Variants in CREB5 observed in about 807,000 individuals in gnomAD.
CREB5 encodes the protein cyclic AMP-responsive element-binding protein 5.
CREB5 carries 19 observed loss-of-function variants against 57.1 expected under a neutral mutation model. The ratio of observed to expected loss-of-function variants is 0.33; its 90% CI spans 0.23 to 0.49. CREB5 has a LOEUF of 0.49. CREB5 is among the 20% of genes least tolerant of loss of function. CREB5 has a pLI of 0.99. For synonymous variants in CREB5, 238 were observed against 238.3 expected (o/e 1.00, Z 0.01); for missense variants, 579 against 671.6 (o/e 0.86, Z 1.52).
chr7:28,500,116 CT>C (rs1792217744), intron 3 of CREB5, among the ~76,000 whole-genome samples: 1 of 152,162 alleles, frequency 6.6e-6, no homozygotes, highest in African/African-American at 2.4e-5. Flanking sequence ...GGTGAGGTCT[CT>C]TTTTTCATGA....
chr7:28,317,821 C>T (rs1187291193), intron 1 of CREB5, among the ~76,000 whole-genome samples: 1 of 152,132 alleles, frequency 6.6e-6, no homozygotes, highest in Non-Finnish European at 1.5e-5. Flanking sequence ...CTCTAAGCAC[C>T]TTAGGAGAAG....
Position 28,724,340 on chromosome 7 carries a change from A to G in CREB5, c.702+8A>G. The G allele has an allele frequency of 6.2e-7, 1 of 1,603,402 alleles. No individual in the cohort carries two copies. The highest frequency in any genetic ancestry group is 8.5e-7 in the Non-Finnish European group (1 of 1,170,696). The stretch of plus-strand genomic sequence containing the variant: ...CATTCAGAAGCCAAAATGGTAAGTA[A>G]CAGTTATAATCACCCTTTCATTATT... On this transcript the variant is annotated splice_region_variant and intron_variant, in intron 7 of 10. Coordinates refer to ENST00000357727, the MANE Select transcript of CREB5 (RefSeq NM_182898.4).
chr7:28,728,081 G>A (rs1803423216), intron 7 of CREB5, among the ~76,000 whole-genome samples: 1 of 152,102 alleles, frequency 6.6e-6, no homozygotes, highest in African/African-American at 2.4e-5. Flanking sequence ...GAGTAGCTAC[G>A]ATTACAAGTG....
chr7:28,382,036 A>G (rs78386384), intron 1 of CREB5, among the ~76,000 whole-genome samples: 2,961 of 152,326 alleles, frequency 0.019, 64 homozygotes, highest in East Asian at 0.091. Flanking sequence ...AGTGGAAGCC[A>G]ATGGTGTAGC....
chr7:28,445,636 C>G (rs1480680137), intron 1 of CREB5, among the ~76,000 whole-genome samples: 1 of 151,960 alleles, frequency 6.6e-6, no homozygotes, highest in African/African-American at 2.4e-5. Context: ...ACTGCAAGCT[C>G]CGCCTCCCAG....
chr7:28,452,646 G>A (rs1440458370), intron 1 of CREB5, among the ~76,000 whole-genome samples: 2 of 152,188 alleles, frequency 1.3e-5, no homozygotes, highest in Non-Finnish European at 2.9e-5. Context: ...GGAGGGAATG[G>A]TGTTCCTAGA....
chr7:28,384,804 A>G (rs1281515910), intron 1 of CREB5, among the ~76,000 whole-genome samples: 1 of 152,192 alleles, frequency 6.6e-6, no homozygotes. Flanking sequence ...AAACAGAAAG[A>G]TATTAATCTG....
intron 9 of CREB5, among the ~76,000 whole-genome samples, chr7:28,813,526 A>G (rs1809248488): frequency 6.6e-6 from 1 of 152,230 alleles, no homozygotes; most frequent in African/African-American, 2.4e-5. Flanking sequence ...TTTGTTTCAG[A>G]GTGAACCAAA....
At chr7:28,570,158 C>A (rs1795638310) in intron 4 of CREB5, among the ~76,000 whole-genome samples, 1 of 152,210 alleles carries the variant, frequency 6.6e-6, no homozygotes, top group African/African-American at 2.4e-5. Context: ...CATTTTCTCA[C>A]ATGCTTTACT....
chr7:28,697,845 T>A (rs1205337116), intron 5 of CREB5, among the ~76,000 whole-genome samples: 1 of 152,198 alleles, frequency 6.6e-6, no homozygotes, highest in East Asian at 1.9e-4. Context: ...TGGATGTTTA[T>A]TTATGTCATT....
At chr7:28,683,124 C>T (rs1800685049) in intron 5 of CREB5, among the ~76,000 whole-genome samples, 1 of 152,194 alleles carries the variant, frequency 6.6e-6, no homozygotes, top group African/African-American at 2.4e-5. Context: ...TCTGGAATTA[C>T]AGCATCTTAT....
intron 6 of CREB5, among the ~76,000 whole-genome samples, chr7:28,723,235 G>A (rs1322814228): frequency 6.6e-6 from 1 of 152,122 alleles, no homozygotes; most frequent in African/African-American, 2.4e-5. Flanking sequence ...TGTGATTTTA[G>A]TATTAAGTGT....
At chr7:28,408,068 T>TA (rs1366227324), upstream of CREB5, among the ~76,000 whole-genome samples, 3 of 152,194 alleles carry the variant, frequency 2.0e-5, no homozygotes, top group African/African-American at 7.2e-5. Context: ...AGGGAATGCT[T>TA]ACCCCTGGCT....
At chr7:28,596,674 G>A (rs1796701441) in intron 5 of CREB5, among the ~76,000 whole-genome samples, 1 of 152,184 alleles carries the variant, frequency 6.6e-6, no homozygotes, top group Non-Finnish European at 1.5e-5. Context: ...ACTGCTATGT[G>A]ACCTTGGACT....
rs563097859 is a variant in CREB5, at chr7:28,316,942, G to C, written c.-25+17501G>C. 4.0e-5 allele frequency among the ~76,000 whole-genome samples: 6 copies of C among 151,510 alleles called. No homozygotes were observed. The East Asian group carries it at 9.7e-4, about 24-fold the overall frequency. ...TTGTTGAAAGAGCAGATACACTGTT[G>C]GGTCAACAATAAATATGACTTCGCC... On this transcript the variant is annotated intron_variant, in intron 1 of 9. Coordinates refer to the CREB5 transcript ENST00000396299.
intron 1 of CREB5, among the ~76,000 whole-genome samples, chr7:28,325,257 C>A (rs557578358): frequency 6.6e-6 from 1 of 152,122 alleles, no homozygotes; most frequent in Non-Finnish European, 1.5e-5. Flanking sequence ...GAGATCGAGA[C>A]CATCTGGCTA....
At chr7:28,686,625 T>G (rs1256096493) in intron 5 of CREB5, among the ~76,000 whole-genome samples, 2 of 152,132 alleles carry the variant, frequency 1.3e-5, no homozygotes, top group Non-Finnish European at 2.9e-5. Context: ...AGAGTTAAAA[T>G]GCAGGAACCA....
chr7:28,426,822 G>A (rs1323395229), intron 1 of CREB5, among the ~76,000 whole-genome samples: 2 of 152,190 alleles, frequency 1.3e-5, no homozygotes, highest in Non-Finnish European at 2.9e-5. Flanking sequence ...AGCAAGAACT[G>A]AATCTTGCCT....
chr7:28,536,586 G>C (rs1192073620), intron 4 of CREB5, among the ~76,000 whole-genome samples: 3 of 152,200 alleles, frequency 2.0e-5, no homozygotes, highest in African/African-American at 7.2e-5. Context: ...ATCACCTACT[G>C]AATCAGGTTT....
Sources: allele counts gnomAD v4.1 joint callset (sites outside exome capture counted in the v4.1 genomes callset), GRCh38; gene constraint gnomAD v4.1.1; transcripts MANE v1.5; gene names NCBI Gene and HGNC (gene_info 2026-07-23, HGNC 2026-07-21).